Variants in POU6F2 observed in about 807,000 individuals in gnomAD.
POU6F2 encodes POU class 6 homeobox 2.
POU6F2 carries 31 observed loss-of-function variants against 71.3 expected under a neutral mutation model. The ratio of observed to expected loss-of-function variants is 0.43; its 90% CI spans 0.33 to 0.59. The LOEUF (loss-of-function observed/expected upper bound fraction) is 0.59. POU6F2 is among the 20% of genes least tolerant of loss of function. The probability of loss-of-function intolerance (pLI) is 0.04; values close to 1 mark genes in which losing one functional copy is unlikely to be tolerated. For missense variants in POU6F2, 783 were observed against 856.8 expected (o/e 0.91, Z 1.07); for synonymous variants, 347 against 355.7 (o/e 0.98, Z 0.27).
At chr7:39,352,400 C>T (rs982475363) in intron 5 of POU6F2, among the ~76,000 whole-genome samples, 2 of 152,116 alleles carry the variant, frequency 1.3e-5, no homozygotes, top group African/African-American at 2.4e-5. Flanking sequence ...GGGGAGGCGG[C>T]AGCTTCTCCT....
intron 6 of POU6F2, among the ~76,000 whole-genome samples, chr7:39,431,277 G>C (rs191864233): frequency 1.4e-3 from 209 of 152,304 alleles, no homozygotes; most frequent in Non-Finnish European, 2.6e-3. Context: ...TCCTCCATTA[G>C]TGCCATCCCA....
chr7:39,012,734 C>T (rs2128703741), intron 1 of POU6F2, among the ~76,000 whole-genome samples: 1 of 151,448 alleles, frequency 6.6e-6, no homozygotes, highest in South Asian at 2.1e-4. Context: ...TGTTAGTTTT[C>T]CTTCTAACAG....
At chr7:39,335,058 G>A (rs978184106) in intron 4 of POU6F2, among the ~76,000 whole-genome samples, 1 of 152,174 alleles carries the variant, frequency 6.6e-6, no homozygotes, top group Non-Finnish European at 1.5e-5. Flanking sequence ...CCTTAAACTG[G>A]CACCAAGCCT....
chr7:39,264,624 T>G (rs2128755311), intron 4 of POU6F2, among the ~76,000 whole-genome samples: 1 of 152,260 alleles, frequency 6.6e-6, no homozygotes, highest in Middle Eastern at 3.4e-3. Flanking sequence ...CCTCCTATGG[T>G]GTAAGCCTAT....
At chr7:39,421,784 G>T (rs1396949259) in intron 6 of POU6F2, among the ~76,000 whole-genome samples, 1 of 152,026 alleles carries the variant, frequency 6.6e-6, no homozygotes, top group Non-Finnish European at 1.5e-5. Flanking sequence ...AGGTCTAATG[G>T]TTTATTTAGG....
At chr7:39,263,832 T>G (rs779366201) in intron 4 of POU6F2, among the ~76,000 whole-genome samples, 1 of 152,234 alleles carries the variant, frequency 6.6e-6, no homozygotes, top group Non-Finnish European at 1.5e-5. Context: ...AGGCAGGAAC[T>G]GTTTTTACTT....
intron 6 of POU6F2, among the ~76,000 whole-genome samples, chr7:39,407,213 T>G (rs1787453892): frequency 6.6e-6 from 1 of 151,844 alleles, no homozygotes; most frequent in Non-Finnish European, 1.5e-5. Context: ...GGGAAGGTGA[T>G]GAAGAAGTCT....
intron 1 of POU6F2, among the ~76,000 whole-genome samples, chr7:38,986,940 T>G (rs1361626847): frequency 6.6e-6 from 1 of 152,106 alleles, no homozygotes; most frequent in East Asian, 1.9e-4. Flanking sequence ...ATCTGCATCC[T>G]TCTCTGTAGT....
At chr7:39,161,931 C>T (rs959388708) in intron 2 of POU6F2, among the ~76,000 whole-genome samples, 19 of 152,170 alleles carry the variant, frequency 1.2e-4, no homozygotes, top group African/African-American at 4.6e-4. Flanking sequence ...ATGTTTATTT[C>T]ACCTGCATGG....
At chr7:39,027,179 T>C (rs1012706429) in intron 1 of POU6F2, among the ~76,000 whole-genome samples, 1 of 152,150 alleles carries the variant, frequency 6.6e-6, no homozygotes, top group Non-Finnish European at 1.5e-5. Context: ...TTTTGAGCAA[T>C]CTGAATGAGT....
intron 1 of POU6F2, among the ~76,000 whole-genome samples, chr7:39,084,042 G>A (rs371166237): frequency 9.2e-5 from 14 of 152,134 alleles, no homozygotes; most frequent in African/African-American, 2.7e-4. Flanking sequence ...ATGAAAGCTC[G>A]GCTCTGCTCT....
At chr7:39,117,983 G>T (rs1791968732) in intron 2 of POU6F2, among the ~76,000 whole-genome samples, 1 of 152,088 alleles carries the variant, frequency 6.6e-6, no homozygotes, top group Non-Finnish European at 1.5e-5. Context: ...GAACTCCAAT[G>T]GAGTTCACCA....
intron 4 of POU6F2, among the ~76,000 whole-genome samples, chr7:39,246,391 G>A (rs527749973): frequency 6.6e-6 from 1 of 152,170 alleles, no homozygotes; most frequent in Non-Finnish European, 1.5e-5. Context: ...TGTCAGGACA[G>A]AGAAAATAGA....
At chr7:39,433,922 C>G (rs948997617) in intron 7 of POU6F2, among the ~76,000 whole-genome samples, 2 of 152,158 alleles carry the variant, frequency 1.3e-5, no homozygotes, top group Non-Finnish European at 2.9e-5. Flanking sequence ...GTATAGCAGG[C>G]CCCTGATAAA....
In POU6F2 at chr7:39,339,944, C is replaced by G. The variant is rs1170379548; in HGVS notation, c.901C>G (p.Pro301Ala). The change falls in exon 5 of 10, where the codon CCC becomes GCC. Residue 301 changes from proline to alanine, a missense_variant. Around this residue, in one of 2 missense-constraint regions of POU6F2, gnomAD observed 572 missense variants for 572.9 expected, o/e 1.00. Transcript: ENST00000518318. ...ATCTCCAACCCAGCAGAGCTCCAGC[C>G]CCCCGCAGAAACCTAGTCAGTCTCC... is the stretch of plus-strand genomic sequence containing the variant. ...QPSPTQQSSS[P>A]PQKPSQSPGH... 5 of 1,613,814 alleles carry G rather than the reference C, an allele frequency of 3.1e-6. No individual in the cohort carries two copies. The highest frequency in any genetic ancestry group is 4.2e-6 in the Non-Finnish European group (5 of 1,179,882).
intron 1 of POU6F2, among the ~76,000 whole-genome samples, chr7:39,058,620 G>T (rs1790585838): frequency 6.6e-6 from 1 of 152,144 alleles, no homozygotes; most frequent in Non-Finnish European, 1.5e-5. Context: ...CATTGGAGAT[G>T]AAGAATCTAT....
intron 4 of POU6F2, among the ~76,000 whole-genome samples, chr7:39,331,466 C>T (rs887934648): frequency 3.3e-5 from 5 of 152,000 alleles, no homozygotes; most frequent in Non-Finnish European, 7.4e-5. Context: ...ACCATTTTAA[C>T]GGAGTGAGGT....
intron 7 of POU6F2, among the ~76,000 whole-genome samples, chr7:39,443,215 G>GA (rs979417411): frequency 2.0e-5 from 3 of 151,914 alleles, no homozygotes; most frequent in Non-Finnish European, 4.4e-5. Context: ...TTAGCAACTG[G>GA]AAAAAAAAGC....
At chr7:39,387,978 G>A (rs1345279116) in intron 5 of POU6F2, among the ~76,000 whole-genome samples, 1 of 152,138 alleles carries the variant, frequency 6.6e-6, no homozygotes, top group East Asian at 1.9e-4. Flanking sequence ...TCCTTTAATT[G>A]TAAAATAAAA....
Sources: gnomAD v4.1 joint callset for allele counts (sites outside exome capture counted in the v4.1 genomes callset) on GRCh38, gnomAD v4.1.1 for gene constraint, gnomAD v4.1.1 regional missense constraint, MANE v1.5 for transcripts, NCBI Gene and HGNC (gene_info 2026-07-23, HGNC 2026-07-21) for gene names.